Variants in EML1 observed in about 807,000 individuals in gnomAD.
EML1 encodes the protein EMAP like 1.
EML1 carries 27 observed loss-of-function variants against 110.4 expected under a neutral mutation model. That is an observed-to-expected ratio of 0.24 (90% confidence interval 0.18 to 0.34). The LOEUF (loss-of-function observed/expected upper bound fraction) is 0.34. Among genes scored for constraint, EML1 ranks in the 10% least tolerant of loss-of-function variants. The pLI is 1.00. For synonymous variants in EML1, 344 were observed against 385.8 expected (o/e 0.89, Z 1.27); for missense variants, 741 against 1,030.9 (o/e 0.72, Z 3.85).
chr14:99,830,589 C>A (rs957995987), intron 1 of EML1, among the ~76,000 whole-genome samples: 6 of 151,754 alleles, frequency 4.0e-5, no homozygotes, highest in Non-Finnish European at 5.9e-5. Context: ...TAGCTCTTGT[C>A]ACCCAGGCTG....
At chr14:99,894,966 G>A (rs754179826) in intron 6 of EML1, among the ~76,000 whole-genome samples, 7 of 152,138 alleles carry the variant, frequency 4.6e-5, no homozygotes, top group Non-Finnish European at 7.4e-5. Context: ...TCATAAGAGC[G>A]GCTTATTATC....
At chr14:99,934,810 G>C (rs912209002) in intron 17 of EML1, among the ~76,000 whole-genome samples, 3 of 152,158 alleles carry the variant, frequency 2.0e-5, no homozygotes, top group Admixed American at 2.0e-4. Flanking sequence ...CCTGGGCATC[G>C]TGAGTCCCCC....
At position 99,936,721 on chromosome 14, in the gene EML1, G is replaced by A. The variant is rs932337003; in HGVS notation, c.2095+387G>A. 2.0e-5 allele frequency among the ~76,000 whole-genome samples: 3 copies of A among 152,160 alleles called. No homozygotes were observed. Among genetic ancestry groups the A allele is most frequent in the Non-Finnish European group, 2.9e-5 (2 of 68,008 alleles). On this transcript the variant is annotated intron_variant, in intron 19 of 21. Transcript: ENST00000262233. The surrounding 1 kb of genome is among the most constrained non-coding windows in gnomAD (Gnocchi z 5.5). ...GTAAAGGTGTTATCCTCACAGGAGG[G>A]ACCATGAAGTCCATCCCCGCTGGGT...
At position 99,914,222 on chromosome 14, in the gene EML1, A is replaced by G. The variant is rs752911960; in HGVS notation, c.1538A>G (p.Lys513Arg). The G allele has an allele frequency of 1.9e-6, 3 of 1,614,010 alleles. No homozygotes were observed. In the South Asian group the frequency reaches 3.3e-5, roughly 18 times the overall value. ...CCAATACGGACAGTGGCCGAGGGGA[A>G]AGGCGATGTGATCTTGATTGGCACA... ...FGPIRTVAEG[K>R]GDVILIGTTR... The change falls in exon 14 of 22, where the codon AAA becomes AGA. Residue 513 changes from lysine (K) to arginine (R), a missense_variant. This residue lies in a region of EML1 where 388 missense variants were observed against 605.6 expected (regional missense o/e 0.64). Coordinates refer to ENST00000262233, the MANE Select transcript of EML1 (RefSeq NM_004434.3).
At chr14:99,871,245 C>T (rs2059197464) in intron 3 of EML1, among the ~76,000 whole-genome samples, 1 of 152,214 alleles carries the variant, frequency 6.6e-6, no homozygotes, top group African/African-American at 2.4e-5. Flanking sequence ...GCGTGAGCCA[C>T]CGCACCTGGC....
chr14:99,923,545 AAC>A (rs1306587066), intron 17 of EML1, among the ~76,000 whole-genome samples: 1 of 92,150 alleles, frequency 1.1e-5, no homozygotes, highest in African/African-American at 2.1e-4. Context: ...TTTTGTTGAA[AAC>A]ACAGTCTTTC....
At chr14:99,879,514 C>T (rs920753092) in intron 4 of EML1, among the ~76,000 whole-genome samples, 1 of 152,162 alleles carries the variant, frequency 6.6e-6, no homozygotes, top group Non-Finnish European at 1.5e-5. Context: ...GGCTATAAAA[C>T]TTCCAAGTTT....
At chr14:99,917,640 AAAG>A in intron 15 of EML1, 139 bp from the exon 16 acceptor site, 1 of 773,534 alleles carries the variant, frequency 1.3e-6, no homozygotes, top group Non-Finnish European at 2.0e-6. Context: ...TTTCTCTAGA[AAAG>A]AGACTTTTCA....
At chr14:99,847,596 T>C (rs2058727375) in intron 1 of EML1, among the ~76,000 whole-genome samples, 1 of 152,214 alleles carries the variant, frequency 6.6e-6, no homozygotes, top group Admixed American at 6.5e-5. Flanking sequence ...GTTCTATCAG[T>C]TGCTGAGAGA....
intron 17 of EML1, among the ~76,000 whole-genome samples, chr14:99,926,505 A>C (rs1202910933): frequency 6.6e-6 from 1 of 151,404 alleles, no homozygotes; most frequent in Admixed American, 6.6e-5. Flanking sequence ...GGCTGGTCTC[A>C]AGCTCCTAGC....
upstream of EML1, among the ~76,000 whole-genome samples, chr14:99,770,887 C>G (rs960442255): frequency 1.1e-4 from 16 of 150,852 alleles, no homozygotes; most frequent in East Asian, 3.0e-3. Flanking sequence ...CGGGTTCACG[C>G]CATTCGCCTG....
At chr14:99,765,598 G>T (rs533156018) in intron 1 of EML1, among the ~76,000 whole-genome samples, 1 of 151,668 alleles carries the variant, frequency 6.6e-6, no homozygotes, top group African/African-American at 2.4e-5. Flanking sequence ...TAGATTTACC[G>T]CACTATATAT....
intron 1 of EML1, among the ~76,000 whole-genome samples, chr14:99,798,924 C>T (rs1450004140): frequency 6.6e-6 from 1 of 151,952 alleles, no homozygotes; most frequent in Non-Finnish European, 1.5e-5. Flanking sequence ...ATAAATAATC[C>T]CAGCACTTAC....
At position 99,827,720 on chromosome 14, in the gene EML1, C is replaced by T. The variant is rs530772972; in HGVS notation, c.68-23133C>T. Among the ~76,000 whole-genome samples the T allele has an allele frequency of 6.6e-6, 1 of 152,148 alleles. No individual in the cohort carries two copies. Among genetic ancestry groups the T allele is most frequent in the Non-Finnish European group, 1.5e-5 (1 of 68,028 alleles). On this transcript the variant is annotated intron_variant, in intron 1 of 21. Coordinates refer to ENST00000262233, the MANE Select transcript of EML1 (RefSeq NM_004434.3). The surrounding 1 kb of genome is among the most constrained non-coding windows in gnomAD (Gnocchi z 4.4). Reference sequence around the variant, plus strand: ...CCAGCGAGAGAGGCCTCAGAAGAAACGAACCCTGCTGACCTTGATCTCAGG... The same window carrying T: ...CCAGCGAGAGAGGCCTCAGAAGAAATGAACCCTGCTGACCTTGATCTCAGG...
At chr14:99,830,033 G>A (rs188467860) in intron 1 of EML1, among the ~76,000 whole-genome samples, 175 of 152,262 alleles carry the variant, frequency 1.1e-3, no homozygotes, top group Admixed American at 3.1e-3. Context: ...CGGATCATAT[G>A]GTGATCCTAC....
intron 1 of EML1, among the ~76,000 whole-genome samples, chr14:99,746,632 G>A (rs1448878559): frequency 6.6e-6 from 1 of 152,100 alleles, no homozygotes; most frequent in African/African-American, 2.4e-5. Context: ...GGGGACAACA[G>A]CCAAAGCCTG....
At chr14:99,745,070 T>A (rs886183790) in intron 1 of EML1, among the ~76,000 whole-genome samples, 2 of 152,110 alleles carry the variant, frequency 1.3e-5, no homozygotes, top group African/African-American at 4.8e-5. Flanking sequence ...GTTCTCCCAG[T>A]TGACTTTTTT....
intron 1 of EML1, among the ~76,000 whole-genome samples, chr14:99,819,091 A>G (rs1290302564): frequency 6.6e-6 from 1 of 152,048 alleles, no homozygotes; most frequent in East Asian, 1.9e-4. Context: ...CTGGGACTGT[A>G]GGCATGCACC....
At chr14:99,800,970 G>A (rs985805388) in intron 1 of EML1, among the ~76,000 whole-genome samples, 4 of 152,204 alleles carry the variant, frequency 2.6e-5, no homozygotes, top group South Asian at 2.1e-4. Flanking sequence ...CCCACCTGCC[G>A]AGGCCCTGCT....
Sources: gnomAD v4.1 joint callset for allele counts (sites outside exome capture counted in the v4.1 genomes callset) on GRCh38, gnomAD v4.1.1 for gene constraint, gnomAD v4.1.1 regional missense constraint, Gnocchi (gnomAD v3.1) non-coding constraint, MANE v1.5 for transcripts, NCBI Gene and HGNC (gene_info 2026-07-23, HGNC 2026-07-21) for gene names.